Variants in GHR observed in about 807,000 individuals in gnomAD.
GHR encodes the protein growth hormone receptor, also known as GH receptor.
In GHR, 35 loss-of-function variants were observed where a neutral mutation model predicts 67.1. That is an observed-to-expected ratio of 0.52 (90% CI 0.40 to 0.69). The LOEUF (loss-of-function observed/expected upper bound fraction) is 0.69, where lower values mean the gene tolerates loss of function less well. GHR is among the 30% of genes least tolerant of loss of function. The probability of loss-of-function intolerance (pLI) is 0.00; values close to 1 mark genes in which losing one functional copy is unlikely to be tolerated. For synonymous variants in GHR, 272 were observed against 269.1 expected (o/e 1.01, Z -0.10); for missense variants, 792 against 764.6 (o/e 1.04, Z -0.42).
intron 2 of GHR, among the ~76,000 whole-genome samples, chr5:42,590,670 G>A (rs1211167386): frequency 2.0e-5 from 3 of 152,220 alleles, no homozygotes; most frequent in African/African-American, 4.8e-5. Context: ...ACTCTGCTGT[G>A]AGAAATGTGA....
intron 1 of GHR, among the ~76,000 whole-genome samples, chr5:42,488,191 A>C (rs767493054): frequency 2.0e-5 from 3 of 152,264 alleles, no homozygotes; most frequent in Non-Finnish European, 4.4e-5. Context: ...TAAACTCATA[A>C]TAAAGTAATC....
At position 42,629,249 on chromosome 5, in the gene GHR, T is replaced by C. The variant is rs1580086766; in HGVS notation, c.136+146T>C. ...AATTTTATAGGCAAGCAAAACATTT[T>C]TTAAGGATTTATTTTTTAACTTCTG... On this transcript the variant is annotated intron_variant, in intron 3 of 9. Transcript: ENST00000230882. The C allele has an allele frequency of 2.8e-5, 17 of 612,160 alleles. 2 individuals are homozygous for C. In the East Asian group the frequency reaches 4.5e-4, roughly 16 times the overall value. 37.9% of individuals were successfully genotyped at this position (612,160 alleles called of 1,614,324 possible). A position where few individuals can be genotyped will look rare whatever the true frequency, so the allele number is the denominator to read the frequency against.
chr5:42,580,283 T>A (rs1751089827), intron 2 of GHR, among the ~76,000 whole-genome samples: 1 of 152,196 alleles, frequency 6.6e-6, no homozygotes, highest in African/African-American at 2.4e-5. Flanking sequence ...GTGCTTGCAA[T>A]GCCTCAATGA....
chr5:42,527,297 G>C (rs1266584008), intron 1 of GHR, among the ~76,000 whole-genome samples: 1 of 152,098 alleles, frequency 6.6e-6, no homozygotes, highest in East Asian at 1.9e-4. Flanking sequence ...GGATAAAAAA[G>C]AAAGACCCAA....
At chr5:42,589,220 A>G (rs1751650234) in intron 2 of GHR, among the ~76,000 whole-genome samples, 1 of 152,150 alleles carries the variant, frequency 6.6e-6, no homozygotes, top group African/African-American at 2.4e-5. Flanking sequence ...AGTATCTCCT[A>G]CCTTCTGTCT....
chr5:42,474,307 A>AAGAAAGAAAGAAAGAG (rs1745174434), intron 1 of GHR, among the ~76,000 whole-genome samples: 1 of 134,136 alleles, frequency 7.5e-6, no homozygotes, highest in Admixed American at 7.3e-5. Context: ...GAAAGAAAGA[A>AAGAAAGAAAGAAAGAG]AGAAAGAAAG....
chr5:42,610,861 C>T lies in GHR; in HGVS notation c.71-18177C>T, dbSNP rs149621130. ...CATCATCCCTCTAGGAATGGGCCTG[C>T]CTTGGTGTCCTTGTCATGCAAAGTC... On this transcript the variant is annotated intron_variant, in intron 2 of 9. Coordinates refer to ENST00000230882, the MANE Select transcript of GHR (RefSeq NM_000163.5). Among the ~76,000 whole-genome samples, 164 of 152,184 alleles carry T rather than the reference C, an allele frequency of 1.1e-3. 1 individual carries two copies. The highest frequency in any genetic ancestry group is 1.9e-3 in the Non-Finnish European group (129 of 67,978).
chr5:42,472,759 G>A (rs551103050), intron 1 of GHR, among the ~76,000 whole-genome samples: 87 of 152,238 alleles, frequency 5.7e-4, no homozygotes, highest in African/African-American at 2.1e-3. Flanking sequence ...AGCTTCTTGT[G>A]AGTAGATGTG....
chr5:42,662,789 A>G (rs981316949), intron 3 of GHR, among the ~76,000 whole-genome samples: 17 of 152,172 alleles, frequency 1.1e-4, no homozygotes, highest in African/African-American at 4.1e-4. Context: ...GACACAAAAA[A>G]CCCTTCAAAT....
At chr5:42,654,331 T>C (rs1165671791) in intron 3 of GHR, among the ~76,000 whole-genome samples, 1 of 152,172 alleles carries the variant, frequency 6.6e-6, no homozygotes, top group Non-Finnish European at 1.5e-5. Context: ...ACATAGTAAC[T>C]GATTCTGTAC....
chr5:42,468,130 A>C, intron 1 of GHR: 1 of 1,260,102 alleles, frequency 7.9e-7, no homozygotes, highest in East Asian at 2.3e-5. Flanking sequence ...TGGTTTCAGC[A>C]CCTTTTCTTC....
chr5:42,612,147 G>GT lies in GHR; in HGVS notation c.71-16890dup, dbSNP rs567928014. 1.7e-3 allele frequency among the ~76,000 whole-genome samples: 265 copies of GT among 152,204 alleles called. 1 individual carries two copies. The highest frequency in any genetic ancestry group is 6.2e-3 in the African/African-American group (256 of 41,530). ...CAAATACTTGTTGAATGAATAAACA[G>GT]TATTCCACTCTCTGCAAATTTGGTC... On this transcript the variant is annotated intron_variant, in intron 2 of 9. Transcript: ENST00000230882.
intron 1 of GHR, among the ~76,000 whole-genome samples, chr5:42,532,298 T>C (rs1224672510): frequency 6.6e-6 from 1 of 152,086 alleles, no homozygotes; most frequent in Non-Finnish European, 1.5e-5. Flanking sequence ...TAGGGACTTG[T>C]TATGTTTAAC....
chr5:42,455,945 G>C (rs1291171080), intron 1 of GHR, among the ~76,000 whole-genome samples: 4 of 152,306 alleles, frequency 2.6e-5, no homozygotes, highest in East Asian at 3.9e-4. Flanking sequence ...CTCATCTACA[G>C]AATAGGTTAG....
chr5:42,542,767 T>C (rs1385312597), intron 1 of GHR, among the ~76,000 whole-genome samples: 4 of 152,028 alleles, frequency 2.6e-5, no homozygotes, highest in African/African-American at 9.7e-5. Flanking sequence ...AATATACACC[T>C]TTTTTTATCC....
intron 1 of GHR, among the ~76,000 whole-genome samples, chr5:42,470,674 G>A (rs1328747762): frequency 1.3e-5 from 2 of 152,018 alleles, no homozygotes; most frequent in South Asian, 4.2e-4. Flanking sequence ...AGATTAGTTT[G>A]CCGCAGCCCC....
At chr5:42,437,298 A>C (rs1743367092) in intron 1 of GHR, among the ~76,000 whole-genome samples, 1 of 152,198 alleles carries the variant, frequency 6.6e-6, no homozygotes, top group Non-Finnish European at 1.5e-5. Context: ...TCATGGTTTT[A>C]AACCGTGACC....
At chr5:42,659,815 C>T (rs1352117366) in intron 3 of GHR, among the ~76,000 whole-genome samples, 1 of 152,094 alleles carries the variant, frequency 6.6e-6, no homozygotes, top group Non-Finnish European at 1.5e-5. Flanking sequence ...CATTGCCTCA[C>T]TCAGGAAGCG....
chr5:42,668,493 G>A (rs1398141285), intron 3 of GHR, among the ~76,000 whole-genome samples: 1 of 152,026 alleles, frequency 6.6e-6, no homozygotes, highest in Non-Finnish European at 1.5e-5. Flanking sequence ...ATTGCAAAAT[G>A]TCTCCTGGGA....
Sources: gnomAD v4.1 joint callset for allele counts (sites outside exome capture counted in the v4.1 genomes callset) on GRCh38, gnomAD v4.1.1 for gene constraint, MANE v1.5 for transcripts, NCBI Gene and HGNC (gene_info 2026-07-23, HGNC 2026-07-21) for gene names.